Variants in DNAJC11 observed in about 807,000 individuals in gnomAD.
DNAJC11 encodes the protein dnaJ homolog subfamily C member 11.
DNAJC11 carries 15 observed loss-of-function variants against 78.6 expected under a neutral mutation model. The observed-to-expected ratio is 0.19, with a 90% CI of 0.13 to 0.29. The LOEUF is 0.29. Ranked by LOEUF, DNAJC11 falls within the 10% of genes least tolerant of loss-of-function variation. DNAJC11 has a pLI of 1.00. For missense variants in DNAJC11, 547 were observed against 709.6 expected (o/e 0.77, Z 2.60); for synonymous variants, 292 against 272.1 (o/e 1.07, Z -0.72).
chr1:6,635,916 A>T (rs1394460173), intron 15 of DNAJC11, among the ~76,000 whole-genome samples: 1 of 151,988 alleles, frequency 6.6e-6, no homozygotes, highest in Admixed American at 6.6e-5. Context: ...CTCTAATTCT[A>T]CCTGTGAAAG....
At chr1:6,636,375 GAAGAAA>G in intron 14 of DNAJC11, 129 bp from the exon 15 acceptor site, 2 of 1,341,822 alleles carry the variant, frequency 1.5e-6, no homozygotes, top group Non-Finnish European at 2.0e-6. Context: ...TTTGGGGCAT[GAAGAAA>G]AAGAAACAAG....
intron 14 of DNAJC11, 152 bp from the exon 15 acceptor site, chr1:6,636,398 A>C: frequency 8.3e-7 from 1 of 1,209,068 alleles, no homozygotes; most frequent in Non-Finnish European, 1.1e-6. Flanking sequence ...CAAGAATTTG[A>C]AAAAGTTGCC....
intron 7 of DNAJC11, among the ~76,000 whole-genome samples, chr1:6,649,230 C>T (rs528927618): frequency 2.0e-5 from 3 of 151,582 alleles, no homozygotes; most frequent in Non-Finnish European, 4.4e-5. Flanking sequence ...AGTGCAGTGG[C>T]GCGATCTCGG....
rs959687128 is a variant in DNAJC11 at position 6,660,351 on chromosome 1, T to A, written c.379-6312A>T. On this transcript the variant is annotated intron_variant, in intron 4 of 15. Coordinates refer to ENST00000377577, the MANE Select transcript of DNAJC11 (RefSeq NM_018198.4). Reference sequence around the variant, plus strand: ...TTTGTATTTTTAGTAGAGACGCGGTTTTGCCATGTTGGCCAGGCTGGTCTT... The same window carrying A: ...TTTGTATTTTTAGTAGAGACGCGGTATTGCCATGTTGGCCAGGCTGGTCTT... Among the ~76,000 whole-genome samples, 5 of 151,962 alleles carry A rather than the reference T, an allele frequency of 3.3e-5. No homozygotes were observed. The East Asian group carries it at 9.8e-4, about 30-fold the overall frequency.
At chr1:6,688,252 A>C (rs1203344377) in intron 1 of DNAJC11, among the ~76,000 whole-genome samples, 1 of 152,216 alleles carries the variant, frequency 6.6e-6, no homozygotes, top group Non-Finnish European at 1.5e-5. Flanking sequence ...GGATAAAGGC[A>C]TATGTTTGAA....
chr1:6,672,615 T>A (rs1046570215), intron 3 of DNAJC11, among the ~76,000 whole-genome samples: 1 of 152,214 alleles, frequency 6.6e-6, no homozygotes, highest in Non-Finnish European at 1.5e-5. Context: ...TCTGGAGCGG[T>A]GAAGACACTT....
chr1:6,685,085 C>CTGT (rs1336976943), intron 1 of DNAJC11, among the ~76,000 whole-genome samples: 1 of 152,140 alleles, frequency 6.6e-6, no homozygotes, highest in East Asian at 1.9e-4. Context: ...CCAGTTTGAG[C>CTGT]AACATAGCGA....
chr1:6,700,700 A>G (rs1170424883), intron 1 of DNAJC11, among the ~76,000 whole-genome samples: 5 of 152,240 alleles, frequency 3.3e-5, no homozygotes, highest in African/African-American at 9.6e-5. Context: ...GGTCCCACAC[A>G]AGATAAGTTT....
At chr1:6,664,782 GA>G in intron 4 of DNAJC11, among the ~76,000 whole-genome samples, 1 of 152,270 alleles carries the variant, frequency 6.6e-6, no homozygotes, top group Non-Finnish European at 1.5e-5. Flanking sequence ...TCATTTTACA[GA>G]AGAGAAAAGG....
chr1:6,643,575 A>T (rs116412252), intron 10 of DNAJC11, among the ~76,000 whole-genome samples: 11,733 of 152,186 alleles, frequency 0.077, 660 homozygotes, highest in Non-Finnish European at 0.13. Flanking sequence ...GTGCCCGGCC[A>T]AAACCAGACA....
intron 3 of DNAJC11, among the ~76,000 whole-genome samples, chr1:6,668,916 G>T (rs767805275): frequency 2.0e-5 from 3 of 152,192 alleles, no homozygotes; most frequent in African/African-American, 7.2e-5. Flanking sequence ...GCCTGGCGCG[G>T]TGGCTCACGC....
intron 7 of DNAJC11, among the ~76,000 whole-genome samples, chr1:6,647,041 A>C (rs1180612120): frequency 6.7e-6 from 1 of 150,182 alleles, no homozygotes; most frequent in Admixed American, 6.6e-5. Flanking sequence ...CTGTAGTCTC[A>C]GCGACTGAGG....
At chr1:6,649,370 C>T (rs1642019143) in intron 7 of DNAJC11, among the ~76,000 whole-genome samples, 1 of 152,118 alleles carries the variant, frequency 6.6e-6, no homozygotes, top group Non-Finnish European at 1.5e-5. Context: ...AGAGTTTCAC[C>T]GTGTTAGCCA....
At chr1:6,696,224 C>T (rs1052973994) in intron 1 of DNAJC11, among the ~76,000 whole-genome samples, 1 of 152,236 alleles carries the variant, frequency 6.6e-6, no homozygotes, top group Admixed American at 6.5e-5. Context: ...AAGGAACTGA[C>T]CTTTTCAGAG....
At chr1:6,664,038 A>G (rs1214188102) in intron 4 of DNAJC11, among the ~76,000 whole-genome samples, 1 of 152,024 alleles carries the variant, frequency 6.6e-6, no homozygotes, top group Admixed American at 6.6e-5. Flanking sequence ...GTGTGTGTGC[A>G]TGCACGTGTT....
At chr1:6,686,449 C>G (rs926296723) in intron 1 of DNAJC11, among the ~76,000 whole-genome samples, 5 of 152,202 alleles carry the variant, frequency 3.3e-5, no homozygotes, top group African/African-American at 1.2e-4. Context: ...ACATGTCCAT[C>G]TGAGGCCAGC....
chr1:6,656,100 T>TAAAAAAAA (rs749444041), intron 4 of DNAJC11, among the ~76,000 whole-genome samples: 19 of 88,862 alleles, frequency 2.1e-4, no homozygotes, highest in African/African-American at 8.1e-4. Context: ...AGACTCCGTC[T>TAAAAAAAA]AAAAAAAAAA....
chr1:6,639,233 A>G (rs1641834702), intron 11 of DNAJC11, among the ~76,000 whole-genome samples: 2 of 152,080 alleles, frequency 1.3e-5, no homozygotes, highest in Admixed American at 1.3e-4. Context: ...GGCCCCTCAC[A>G]TACGGATCCA....
intron 3 of DNAJC11, chr1:6,668,119 T>C (rs990651084): frequency 3.2e-6 from 1 of 312,096 alleles, no homozygotes; most frequent in Non-Finnish European, 5.9e-6. Flanking sequence ...ACAAGGAAAA[T>C]GTCACCTTAT....
Sources: gnomAD v4.1 joint callset for allele counts (sites outside exome capture counted in the v4.1 genomes callset) on GRCh38, gnomAD v4.1.1 for gene constraint, MANE v1.5 for transcripts, NCBI Gene and HGNC (gene_info 2026-07-23, HGNC 2026-07-21) for gene names.